The following ABRAXAS1 variants were observed in gnomAD, a reference collection of about 807,000 sequenced individuals.
ABRAXAS1 encodes abraxas 1, BRCA1 A complex subunit, also known as BRCA1-A complex subunit Abraxas 1.
In ABRAXAS1, 26 loss-of-function variants were observed where a neutral mutation model predicts 38.4. The ratio of observed to expected loss-of-function variants is 0.68; its 90% confidence interval spans 0.50 to 0.94. The LOEUF is 0.94. Ranked by LOEUF, ABRAXAS1 falls within the 40% of genes least tolerant of loss-of-function variation. The pLI is 0.00. For missense variants in ABRAXAS1, 438 were observed against 481.9 expected (o/e 0.91, Z 0.85); for synonymous variants, 144 against 165.5 (o/e 0.87, Z 1.00).
At chr4:83,479,071 T>C (rs1164401967) in intron 2 of ABRAXAS1, 2 of 152,170 alleles carry the variant, frequency 1.3e-5, no homozygotes, top group Admixed American at 6.6e-5. Flanking sequence ...CTTATCAAAT[T>C]GGCAAAGATT....
chr4:83,465,299 C>CAAAAAAAAAAAAAAAAA (rs35072866), intron 7 of ABRAXAS1, among the ~76,000 whole-genome samples: 4 of 88,208 alleles, frequency 4.5e-5, no homozygotes, highest in African/African-American at 1.2e-4. Context: ...GACTCTGTCT[C>CAAAAAAAAAAAAAAAAA]AAAAAAAAAA....
intron 7 of ABRAXAS1, among the ~76,000 whole-genome samples, chr4:83,464,448 C>T (rs973179203): frequency 6.6e-6 from 1 of 151,514 alleles, no homozygotes; most frequent in Non-Finnish European, 1.5e-5. Context: ...TGAATAACAA[C>T]AAAAATATAA....
At chr4:83,466,923 T>C (rs1187166975) in intron 7 of ABRAXAS1, 1 of 152,878 alleles carries the variant, frequency 6.5e-6, no homozygotes, top group Non-Finnish European at 1.5e-5. Flanking sequence ...TGGATGAAGA[T>C]GACATTCAGA....
At position 83,484,253 on chromosome 4, in the gene ABRAXAS1, T is replaced by C. The variant is rs79273060; in HGVS notation, c.87+733A>G. ...TACTAGGCATTGTTCAGCAGGGTAT[T>C]CTCCGAACTGTACCACACAGCAGGG... On this transcript the variant is annotated intron_variant, in intron 1 of 8. Coordinates refer to ENST00000321945, the MANE Select transcript of ABRAXAS1 (RefSeq NM_139076.3). The C allele has an allele frequency of 5.5e-3, 5,298 of 968,324 alleles. 204 individuals are homozygous for C. The African/African-American group carries it at 0.086, about 16-fold the overall frequency. The allele number at this position is 968,324 out of a possible 1,614,324, so 60.0% of individuals were successfully genotyped here. A position where few individuals can be genotyped will look rare whatever the true frequency, so the allele number is the denominator to read the frequency against.
At chr4:83,463,434 A>T in intron 8 of ABRAXAS1, 60 bp downstream of exon 8, 1 of 1,287,110 alleles carries the variant, frequency 7.8e-7, no homozygotes, top group Non-Finnish European at 1.1e-6. Context: ...CTCCGTCTCA[A>T]AAATAAATAA....
chr4:83,462,351 G>A lies in ABRAXAS1; in HGVS notation c.*118C>T. 7.0e-6 allele frequency: 6 copies of A among 861,228 alleles called. No individual in the cohort carries two copies. Among genetic ancestry groups the A allele is most frequent in the Non-Finnish European group, 9.1e-6 (5 of 549,418 alleles). The allele number at this position is 861,228 out of a possible 1,614,324, so 53.3% of individuals were successfully genotyped here. A position where few individuals can be genotyped will look rare whatever the true frequency, so the allele number is the denominator to read the frequency against. On this transcript the variant is annotated 3_prime_UTR_variant, in exon 9 of 9. Transcript: ENST00000321945. ...GTTATCTGTGTATTACTGCAAACAG[G>A]TGAACATAGTAAAAACAAATGAACT...
chr4:83,470,528 A>C (rs747293271), intron 4 of ABRAXAS1, 132 bp from the exon 5 acceptor site: 19 of 589,472 alleles, frequency 3.2e-5, no homozygotes, highest in Non-Finnish European at 5.4e-5. Flanking sequence ...ATATATAAAC[A>C]AAGAATACAT....
At chr4:83,465,595 CT>C (rs1189792899) in intron 7 of ABRAXAS1, among the ~76,000 whole-genome samples, 1 of 152,108 alleles carries the variant, frequency 6.6e-6, no homozygotes, top group Non-Finnish European at 1.5e-5. Context: ...GGAGACCAGC[CT>C]GGCAACATGG....
chr4:83,480,696 C>T (rs6857186), intron 2 of ABRAXAS1, among the ~76,000 whole-genome samples: 16,427 of 151,980 alleles, frequency 0.11, 2,944 homozygotes, highest in African/African-American at 0.37. Flanking sequence ...TAATAGATAA[C>T]GCCAAATATT....
intron 7 of ABRAXAS1, among the ~76,000 whole-genome samples, chr4:83,464,102 G>A (rs1203648835): frequency 6.6e-6 from 1 of 152,078 alleles, no homozygotes; most frequent in African/African-American, 2.4e-5. Flanking sequence ...CAGGTGAATC[G>A]CTTGAACCCA....
At chr4:83,473,174 A>C (rs1722644023) in intron 3 of ABRAXAS1, among the ~76,000 whole-genome samples, 1 of 151,986 alleles carries the variant, frequency 6.6e-6, no homozygotes, top group South Asian at 2.1e-4. Context: ...CAGTTTCTAG[A>C]GAGAGCGAGG....
Position 83,459,697 on chromosome 4 carries a change from A to G in ABRAXAS1, c.*2772T>C. ...GAAATTTACACATTCAGAAATAAAT[A>G]ACAGATACTTTTTTTTCCCCTCCAC... is the stretch of plus-strand genomic sequence containing the variant. On this transcript the variant is annotated 3_prime_UTR_variant, in exon 9 of 9. Coordinates refer to ENST00000321945, the MANE Select transcript of ABRAXAS1 (RefSeq NM_139076.3). 1 of 1,546,660 alleles carries G rather than the reference A, an allele frequency of 6.5e-7. No individual in the cohort carries two copies. The highest frequency in any genetic ancestry group is 8.9e-7 in the Non-Finnish European group (1 of 1,127,862).
In ABRAXAS1 at chr4:83,459,785, A is replaced by G. The variant is rs758603616; in HGVS notation, c.*2684T>C. ...TCCATTTACTGGATGCATTTATGGAAGGCACATTACAGGTATGTTCTTTTT... is the reference window on the plus strand; with the variant it reads ...TCCATTTACTGGATGCATTTATGGAGGGCACATTACAGGTATGTTCTTTTT... On this transcript the variant is annotated 3_prime_UTR_variant, in exon 9 of 9. Transcript: ENST00000321945. 6.2e-7 allele frequency: 1 copy of G among 1,608,736 alleles called. No individual in the cohort carries two copies. The highest frequency in any genetic ancestry group is 1.7e-5 in the Admixed American group (1 of 59,704).
intron 6 of ABRAXAS1, among the ~76,000 whole-genome samples, chr4:83,468,428 T>A (rs1228825627): frequency 6.6e-6 from 1 of 152,060 alleles, no homozygotes; most frequent in African/African-American, 2.4e-5. Context: ...CCCCTTATTC[T>A]CAAAGTTTAC....
rs374634192 is a variant in ABRAXAS1, at chr4:83,476,000, G to A, written c.215+643C>T. On this transcript the variant is annotated intron_variant, in intron 3 of 8. Transcript: ENST00000321945. The stretch of plus-strand genomic sequence containing the variant: ...GAGGACGGCTTGAGCCCAGGAGTTT[G>A]AGACCAGCCTGGGCAACATGGCAAA... 9.9e-5 allele frequency among the ~76,000 whole-genome samples: 15 copies of A among 152,226 alleles called. 1 individual carries two copies. Among genetic ancestry groups the A allele is most frequent in the Admixed American group, 8.5e-4 (13 of 15,288 alleles).
At chr4:83,478,878 A>G (rs1445748093) in intron 2 of ABRAXAS1, 1 of 152,466 alleles carries the variant, frequency 6.6e-6, no homozygotes, top group African/African-American at 2.4e-5. Context: ...AAAACATGAC[A>G]AAAGCCCAGT....
At chr4:83,480,345 C>A in intron 2 of ABRAXAS1, 1 of 415,704 alleles carries the variant, frequency 2.4e-6, no homozygotes, top group Admixed American at 2.8e-5. Context: ...TCACTCCAGT[C>A]TGGGCGACAG....
At chr4:83,466,858 G>C in intron 7 of ABRAXAS1, 1 of 152,522 alleles carries the variant, frequency 6.6e-6, no homozygotes, top group East Asian at 1.9e-4. Flanking sequence ...CTTGCTCTTT[G>C]CCTTATGCCA....
chr4:83,475,077 G>T (rs1490645617), intron 3 of ABRAXAS1, among the ~76,000 whole-genome samples: 1 of 152,170 alleles, frequency 6.6e-6, no homozygotes. Flanking sequence ...GAAATAGATG[G>T]TTTCTTCAGG....
Sources: allele counts gnomAD v4.1 joint callset (sites outside exome capture counted in the v4.1 genomes callset), GRCh38; gene constraint gnomAD v4.1.1; transcripts MANE v1.5; gene names NCBI Gene and HGNC (gene_info 2026-07-23, HGNC 2026-07-21).